TBC1D22A: variants seen among roughly 807,000 people sequenced by gnomAD.
TBC1D22A encodes putative GTPase activator.
TBC1D22A carries 38 observed loss-of-function variants against 60.2 expected under a neutral mutation model. The ratio of observed to expected loss-of-function variants is 0.63; its 90% confidence interval spans 0.49 to 0.83. TBC1D22A has a LOEUF of 0.83. TBC1D22A is among the 40% of genes least tolerant of loss of function. The pLI, the probability that TBC1D22A is intolerant of heterozygous loss-of-function variation, is 0.00. For missense variants in TBC1D22A, 628 were observed against 701.0 expected, an observed-to-expected ratio of 0.90 and a Z score of 1.18; for synonymous variants, 302 against 281.7, an observed-to-expected ratio of 1.07 and a Z score of -0.72.
intron 5 of TBC1D22A, among the ~76,000 whole-genome samples, chr22:46,888,249 C>T (rs2068219262): frequency 1.3e-5 from 2 of 152,220 alleles, no homozygotes; most frequent in Admixed American, 1.3e-4. Context: ...CAGTTAAGAC[C>T]TGTCCTGAAA....
At chr22:46,785,281 C>G (rs951177969) in intron 1 of TBC1D22A, among the ~76,000 whole-genome samples, 5 of 152,206 alleles carry the variant, frequency 3.3e-5, no homozygotes, top group Non-Finnish European at 7.3e-5. Flanking sequence ...GGGCCTTCAG[C>G]TAGTGCTGTG....
chr22:47,171,289 G>T (rs1372177425), intron 12 of TBC1D22A, among the ~76,000 whole-genome samples: 1 of 152,204 alleles, frequency 6.6e-6, no homozygotes, highest in Non-Finnish European at 1.5e-5. Context: ...CGAGCCTGTG[G>T]CCCTCCCTGT....
chr22:47,124,941 T>G (rs2066403238), intron 12 of TBC1D22A, among the ~76,000 whole-genome samples: 1 of 150,614 alleles, frequency 6.6e-6, no homozygotes, highest in African/African-American at 2.4e-5. Context: ...CAGGCGGGAG[T>G]GGAGACATAG....
intron 11 of TBC1D22A, among the ~76,000 whole-genome samples, chr22:47,098,994 A>C (rs575281214): frequency 6.6e-6 from 1 of 152,312 alleles, no homozygotes; most frequent in East Asian, 1.9e-4. Flanking sequence ...GGGGCTCCTG[A>C]AGATGAATTT....
intron 4 of TBC1D22A, among the ~76,000 whole-genome samples, chr22:46,872,391 G>A (rs1474969743): frequency 1.3e-5 from 2 of 152,088 alleles, no homozygotes; most frequent in Non-Finnish European, 2.9e-5. Context: ...TATTTATGAT[G>A]AATATAGACA....
chr22:46,966,561 T>C (rs2073814916), intron 8 of TBC1D22A, among the ~76,000 whole-genome samples: 1 of 152,232 alleles, frequency 6.6e-6, no homozygotes, highest in Admixed American at 6.5e-5. Context: ...CACAGCATTA[T>C]TGAAACATTA....
At chr22:46,898,411 GGA>G (rs1602370174) in intron 7 of TBC1D22A, among the ~76,000 whole-genome samples, 2 of 151,742 alleles carry the variant, frequency 1.3e-5, no homozygotes, top group East Asian at 1.9e-4. Flanking sequence ...CTTTCTCCCG[GGA>G]TGATTTTCAG....
At chr22:46,983,520 G>A (rs1368732698) in intron 9 of TBC1D22A, among the ~76,000 whole-genome samples, 2 of 152,158 alleles carry the variant, frequency 1.3e-5, no homozygotes, top group African/African-American at 4.8e-5. Flanking sequence ...TTCACTCTGT[G>A]TGTGTCTTGT....
chr22:47,048,414 A>G (rs1224684575), intron 11 of TBC1D22A, among the ~76,000 whole-genome samples: 1 of 152,152 alleles, frequency 6.6e-6, no homozygotes, highest in Non-Finnish European at 1.5e-5. Flanking sequence ...ACATCCAGTT[A>G]CTACGTCACT....
chr22:47,130,187 C>T (rs927588649), intron 12 of TBC1D22A, among the ~76,000 whole-genome samples: 3 of 152,218 alleles, frequency 2.0e-5, no homozygotes, highest in Non-Finnish European at 2.9e-5. Flanking sequence ...CTGTGAACCA[C>T]CCACTCCCTC....
chr22:46,815,745 A>T (rs564502669), intron 4 of TBC1D22A, among the ~76,000 whole-genome samples: 56 of 152,272 alleles, frequency 3.7e-4, no homozygotes, highest in African/African-American at 1.2e-3. Context: ...ATGTTGAGAG[A>T]CCAGGCAAAA....
At chr22:46,888,798 C>T (rs557329762) in intron 5 of TBC1D22A, among the ~76,000 whole-genome samples, 22 of 152,316 alleles carry the variant, frequency 1.4e-4, no homozygotes, top group African/African-American at 2.6e-4. Context: ...CCTTCCCTCC[C>T]GGGTTCAAGT....
At chr22:47,058,142 G>A (rs1042185811) in intron 11 of TBC1D22A, among the ~76,000 whole-genome samples, 6 of 152,210 alleles carry the variant, frequency 3.9e-5, no homozygotes, top group Non-Finnish European at 7.3e-5. Flanking sequence ...CAACAGGCTA[G>A]CTTCACGCCA....
rs1334832135 is a variant in TBC1D22A at position 46,777,652 on chromosome 22, G to A, written c.62+14804G>A. Among the ~76,000 whole-genome samples, 1 of 152,168 alleles carries A rather than the reference G, an allele frequency of 6.6e-6. No individual in the cohort carries two copies. Among genetic ancestry groups the A allele is most frequent in the African/African-American group, 2.4e-5 (1 of 41,426 alleles). ...AGAGGCTGGCAGGAGGCAGAGGAGG[G>A]AGCAAGAAGAAAGAGCTCAGTGTGA... is the stretch of plus-strand genomic sequence containing the variant. On this transcript the variant is annotated intron_variant, in intron 1 of 12. Transcript: ENST00000337137. This position sits in a 1 kb window ranked among gnomAD's most constrained non-coding sequence, Gnocchi z 4.5.
At chr22:47,163,990 C>G (rs2068095264) in intron 12 of TBC1D22A, among the ~76,000 whole-genome samples, 1 of 152,240 alleles carries the variant, frequency 6.6e-6, no homozygotes, top group Non-Finnish European at 1.5e-5. Context: ...GGCAACACCT[C>G]CAAGGCCCAT....
chr22:47,079,978 A>G (rs2147556911), intron 11 of TBC1D22A, among the ~76,000 whole-genome samples: 1 of 152,338 alleles, frequency 6.6e-6, no homozygotes, highest in Middle Eastern at 3.4e-3. Context: ...TGGCTACATT[A>G]ATATCAAATT....
chr22:46,779,844 G>A (rs2083862675), intron 1 of TBC1D22A, among the ~76,000 whole-genome samples: 1 of 152,212 alleles, frequency 6.6e-6, no homozygotes, highest in African/African-American at 2.4e-5. Context: ...GACAGCGTAT[G>A]TGTTGCTGCC....
At chr22:46,789,354 T>G in intron 1 of TBC1D22A, 1 of 456,650 alleles carries the variant, frequency 2.2e-6, no homozygotes, top group Non-Finnish European at 4.5e-6. Flanking sequence ...CTCGATCTCC[T>G]GACCTCGTGA....
chr22:47,075,655 G>A (rs1474176422), intron 11 of TBC1D22A, among the ~76,000 whole-genome samples: 1 of 152,138 alleles, frequency 6.6e-6, no homozygotes, highest in Non-Finnish European at 1.5e-5. Context: ...TTTTTAAAAA[G>A]CAGTAAAAGT....
Sources: allele counts gnomAD v4.1 joint callset (sites outside exome capture counted in the v4.1 genomes callset), GRCh38; gene constraint gnomAD v4.1.1; non-coding constraint Gnocchi (gnomAD v3.1); transcripts MANE v1.5; gene names NCBI Gene and HGNC (gene_info 2026-07-23, HGNC 2026-07-21).